FUT8: variants seen among roughly 807,000 people sequenced by gnomAD.
The protein encoded by FUT8 is fucosyltransferase 8.
Under a neutral mutation model 71.3 loss-of-function variants are expected in FUT8, and 29 were observed. The ratio of observed to expected loss-of-function variants is 0.41; its 90% CI spans 0.30 to 0.55. The LOEUF (loss-of-function observed/expected upper bound fraction) is 0.55. Among genes scored for constraint, FUT8 ranks in the 20% least tolerant of loss-of-function variants. The pLI, the probability that FUT8 is intolerant of heterozygous loss-of-function variation, is 0.34. For synonymous variants in FUT8, 254 were observed against 239.3 expected (o/e 1.06, Z -0.57); for missense variants, 544 against 702.1 (o/e 0.77, Z 2.55).
intron 1 of FUT8, among the ~76,000 whole-genome samples, chr14:65,432,603 A>G (rs1351271173): frequency 6.6e-6 from 1 of 152,180 alleles, no homozygotes; most frequent in African/African-American, 2.4e-5. Context: ...TCTAAGTCAC[A>G]GGATGAGATA....
chr14:65,482,591 T>G (rs2066348126), intron 2 of FUT8, among the ~76,000 whole-genome samples: 1 of 152,190 alleles, frequency 6.6e-6, no homozygotes, highest in Admixed American at 6.5e-5. Context: ...TCTTTGTCTT[T>G]CTTGATGCCA....
chr14:65,590,541 T>A (rs561374385), intron 3 of FUT8, among the ~76,000 whole-genome samples: 2 of 152,306 alleles, frequency 1.3e-5, no homozygotes, highest in African/African-American at 4.8e-5. Flanking sequence ...GAAAAAGGTT[T>A]AATTGCCTAG....
the FUT8 span, among the ~76,000 whole-genome samples, chr14:65,398,272 G>C: frequency 6.6e-6 from 1 of 152,154 alleles, no homozygotes; most frequent in African/African-American, 2.4e-5. Flanking sequence ...TGAGCTTCCT[G>C]TCTCAGCCTC....
intron 1 of FUT8, among the ~76,000 whole-genome samples, chr14:65,431,299 CTTTTT>C (rs138985726): frequency 3.0e-5 from 3 of 98,814 alleles, no homozygotes. Context: ...CTGCGCCGGC[CTTTTT>C]TTTTTTTTTT....
Position 65,700,365 on chromosome 14 carries a change from T to C in FUT8, c.836-21410T>C, listed in dbSNP as rs535203962. Among the ~76,000 whole-genome samples, 6 of 150,940 alleles carry C rather than the reference T, an allele frequency of 4.0e-5. No individual in the cohort carries two copies. In the East Asian group the frequency reaches 9.7e-4, roughly 24 times the overall value. On this transcript the variant is annotated intron_variant, in intron 7 of 10. Coordinates refer to ENST00000673929, the MANE Select transcript of FUT8 (RefSeq NM_001371533.1). ...TATTTTACATGCTCTTAAACTACTT[T>C]CTTTTCTTTCTTTCTGTTTTTTTTT...
chr14:65,494,013 A>G (rs1185853521), intron 2 of FUT8, among the ~76,000 whole-genome samples: 2 of 152,134 alleles, frequency 1.3e-5, no homozygotes, highest in African/African-American at 4.8e-5. Context: ...TAGCTGTTGT[A>G]ATGACTACAT....
At chr14:65,611,086 A>G (rs1888862423) in intron 3 of FUT8, among the ~76,000 whole-genome samples, 3 of 151,374 alleles carry the variant, frequency 2.0e-5, no homozygotes, top group Admixed American at 1.3e-4. Context: ...TTGGCAAACT[A>G]TGGCTCATGG....
At chr14:65,726,540 T>C (rs750580384) in intron 9 of FUT8, among the ~76,000 whole-genome samples, 34 of 152,342 alleles carry the variant, frequency 2.2e-4, no homozygotes, top group Non-Finnish European at 3.8e-4. Context: ...TGTGAGACTA[T>C]TCGCTATCAC....
chr14:65,427,278 T>A (rs574269756), intron 1 of FUT8, among the ~76,000 whole-genome samples: 1 of 152,330 alleles, frequency 6.6e-6, no homozygotes, highest in South Asian at 2.1e-4. Flanking sequence ...CTCCTTGACA[T>A]ACTGATTTCA....
In FUT8 at chr14:65,561,483, T is replaced by C. The variant is rs1885910292; in HGVS notation, c.-81T>C. On this transcript the variant is annotated 5_prime_UTR_variant, in exon 3 of 11. Coordinates refer to ENST00000673929, the MANE Select transcript of FUT8 (RefSeq NM_001371533.1). The stretch of plus-strand genomic sequence containing the variant: ...GAAACAACAGAAGTCTATTCACCTG[T>C]GCACTAACTAGAAACAGAGTTACAA... 6 of 1,287,384 alleles carry C rather than the reference T, an allele frequency of 4.7e-6. No homozygotes were observed. The highest frequency in any genetic ancestry group is 1.5e-5 in the African/African-American group (1 of 68,294). 79.7% of individuals were successfully genotyped at this position (1,287,384 alleles called of 1,614,324 possible).
At chr14:65,424,780 C>T (rs999312949) in intron 1 of FUT8, among the ~76,000 whole-genome samples, 7 of 152,078 alleles carry the variant, frequency 4.6e-5, no homozygotes, top group African/African-American at 1.7e-4. Flanking sequence ...CCATTTCAGC[C>T]TCCCAAGTAG....
chr14:65,497,339 A>G (rs927676734), intron 2 of FUT8, among the ~76,000 whole-genome samples: 1 of 152,190 alleles, frequency 6.6e-6, no homozygotes, highest in Admixed American at 6.6e-5. Flanking sequence ...GATAATCTGC[A>G]TGGTAATTAC....
At chr14:65,509,737 A>T (rs964241734) in intron 2 of FUT8, among the ~76,000 whole-genome samples, 1 of 152,156 alleles carries the variant, frequency 6.6e-6, no homozygotes, top group East Asian at 1.9e-4. Context: ...CACATTTCAC[A>T]TATAGAAATG....
At chr14:65,619,538 G>A (rs1889490750) in intron 5 of FUT8, among the ~76,000 whole-genome samples, 1 of 152,070 alleles carries the variant, frequency 6.6e-6, no homozygotes, top group Admixed American at 6.6e-5. Flanking sequence ...TACCTGATTG[G>A]CCTTGATAGC....
the FUT8 span, among the ~76,000 whole-genome samples, chr14:65,395,411 C>T: frequency 0.012 from 1,863 of 152,334 alleles, 18 homozygotes; most frequent in Middle Eastern, 0.024. Context: ...CAAACTTCTG[C>T]CTGGACATCC....
intron 3 of FUT8, among the ~76,000 whole-genome samples, chr14:65,602,343 T>TCA (rs1163052408): frequency 0.026 from 1,271 of 48,416 alleles, 24 homozygotes; most frequent in African/African-American, 0.039. Flanking sequence ...GTTCCATCTC[T>TCA]CACACACACA....
chr14:65,713,001 T>A (rs1427896070), intron 7 of FUT8, among the ~76,000 whole-genome samples: 4 of 152,198 alleles, frequency 2.6e-5, no homozygotes, highest in African/African-American at 9.7e-5. Flanking sequence ...ATACTAGGTC[T>A]TATTTTTTCG....
chr14:65,408,087 C>T (rs1255082652), upstream of FUT8, among the ~76,000 whole-genome samples: 1 of 152,184 alleles, frequency 6.6e-6, no homozygotes, highest in South Asian at 2.1e-4. Context: ...CTAGGTCATA[C>T]TGCATTGAAA....
At chr14:65,407,830 G>A (rs1035835076), upstream of FUT8, among the ~76,000 whole-genome samples, 1 of 152,172 alleles carries the variant, frequency 6.6e-6, no homozygotes, top group African/African-American at 2.4e-5. Context: ...ATCGCCAGTA[G>A]GTTGACTTCA....
Sources: gnomAD v4.1 joint callset for allele counts (sites outside exome capture counted in the v4.1 genomes callset) on GRCh38, gnomAD v4.1.1 for gene constraint, MANE v1.5 for transcripts, NCBI Gene and HGNC (gene_info 2026-07-23, HGNC 2026-07-21) for gene names.